The following CELF2 variants were observed in gnomAD, a reference collection of about 807,000 sequenced individuals.
CELF2 encodes the protein CUG triplet repeat RNA-binding protein 2.
In CELF2, 8 loss-of-function variants were observed where a neutral mutation model predicts 62.6. That is an observed-to-expected ratio of 0.13 (90% CI 0.07 to 0.23). The LOEUF is 0.23. Among genes scored for constraint, CELF2 ranks in the 10% least tolerant of loss-of-function variants. CELF2 has a pLI of 1.00. For synonymous variants in CELF2, 258 were observed against 250.0 expected, an observed-to-expected ratio of 1.03 and a Z score of -0.30; for missense variants, 333 against 671.0, an observed-to-expected ratio of 0.50 and a Z score of 5.56.
chr10:10,610,939 T>TAA, the CELF2 span, among the ~76,000 whole-genome samples: 5 of 152,108 alleles, frequency 3.3e-5, no homozygotes, highest in Admixed American at 6.6e-5. Context: ...AAGATGGAAG[T>TAA]AAAATGACCC....
At chr10:10,922,501 G>T (rs2065015565) in intron 2 of CELF2, among the ~76,000 whole-genome samples, 1 of 152,214 alleles carries the variant, frequency 6.6e-6, no homozygotes, top group African/African-American at 2.4e-5. Context: ...AGATGAAAAT[G>T]ATTCAGATGT....
the CELF2 span, among the ~76,000 whole-genome samples, chr10:10,708,903 G>A: frequency 6.6e-5 from 10 of 152,046 alleles, no homozygotes; most frequent in East Asian, 1.9e-4. Flanking sequence ...GAACATGCAC[G>A]TACATCCAAA....
intron 3 of CELF2, among the ~76,000 whole-genome samples, chr10:11,239,879 C>G (rs2073131486): frequency 6.6e-6 from 1 of 152,104 alleles, no homozygotes; most frequent in South Asian, 2.1e-4. Context: ...CATGGTGAAA[C>G]CCCGTCTCTA....
chr10:10,947,012 T>C lies in CELF2; in HGVS notation c.89+27013T>C, dbSNP rs1223922579. 6.6e-6 allele frequency: 1 copy of C among 152,276 alleles called. No individual in the cohort carries two copies. The highest frequency in any genetic ancestry group is 1.5e-5 in the Non-Finnish European group (1 of 68,054). 9.4% of individuals were successfully genotyped at this position (152,276 alleles called of 1,614,324 possible). On this transcript the variant is annotated intron_variant, in intron 2 of 13. Transcript: ENST00000636488. The surrounding 1 kb of genome is among the most constrained non-coding windows in gnomAD (Gnocchi z 4.1). The stretch of plus-strand genomic sequence containing the variant: ...AGTTGTTGCATTAAGGTCGATAAGA[T>C]GGAAGAATGGCAGCTGTGCTGGAGC...
rs1245169797 is a variant in CELF2 at position 11,098,612 on chromosome 10, C to T, written c.75-66874C>T. 1.3e-5 allele frequency: 2 copies of T among 152,240 alleles called. No individual in the cohort carries two copies. The highest frequency in any genetic ancestry group is 2.9e-5 in the Non-Finnish European group (2 of 68,040). The allele number at this position is 152,240 out of a possible 1,614,324, so 9.4% of individuals were successfully genotyped here. A position where few individuals can be genotyped will look rare whatever the true frequency, so the allele number is the denominator to read the frequency against. ...TTTAGAAAGGCACAGTGAGCACGCT[C>T]ATTTTTTTTCCATTTTAGACAAATA... On this transcript the variant is annotated intron_variant, in intron 1 of 12. Transcript: ENST00000633077. This position sits in a 1 kb window ranked among gnomAD's most constrained non-coding sequence, Gnocchi z 4.0.
chr10:10,919,163 A>G (rs1475644743), intron 1 of CELF2, among the ~76,000 whole-genome samples: 1 of 152,100 alleles, frequency 6.6e-6, no homozygotes, highest in East Asian at 1.9e-4. Flanking sequence ...CCAGCTACTC[A>G]GGAGGCTGAG....
chr10:10,782,939 G>A, the CELF2 span, among the ~76,000 whole-genome samples: 1 of 152,188 alleles, frequency 6.6e-6, no homozygotes, highest in Non-Finnish European at 1.5e-5. Flanking sequence ...ACCTCAAAGT[G>A]TTTAATTAAA....
chr10:10,587,212 A>G, the CELF2 span, among the ~76,000 whole-genome samples: 1 of 152,242 alleles, frequency 6.6e-6, no homozygotes, highest in Non-Finnish European at 1.5e-5. Flanking sequence ...CCTTGGGCAG[A>G]GTCCACATAT....
At chr10:10,693,329 T>C in the CELF2 span, among the ~76,000 whole-genome samples, 83 of 135,072 alleles carry the variant, frequency 6.1e-4, 2 homozygotes, top group South Asian at 0.023. Flanking sequence ...TTTGTGTATA[T>C]TGAACCAGCC....
rs529186931 is a variant in CELF2, at chr10:10,958,162, T to C, written c.89+38163T>C. Among the ~76,000 whole-genome samples, 12 of 152,294 alleles carry C rather than the reference T, an allele frequency of 7.9e-5. No individual in the cohort carries two copies. The South Asian group carries it at 2.5e-3, about 32-fold the overall frequency. ...GGGTGGATAAAGGGAATTTGACAAG[T>C]TTCAACAAGAAAGAAAAACTTGCTC... On this transcript the variant is annotated intron_variant, in intron 2 of 13. Coordinates refer to the CELF2 transcript ENST00000636488.
chr10:10,511,804 A>G, the CELF2 span, among the ~76,000 whole-genome samples: 1 of 152,228 alleles, frequency 6.6e-6, no homozygotes, highest in Non-Finnish European at 1.5e-5. Flanking sequence ...AGCCACTTCA[A>G]ACCGCCAGCA....
At chr10:10,746,157 T>C in the CELF2 span, among the ~76,000 whole-genome samples, 1 of 152,260 alleles carries the variant, frequency 6.6e-6, no homozygotes, top group African/African-American at 2.4e-5. Flanking sequence ...CACAGCTTTC[T>C]TTCACTGCTT....
At chr10:11,020,289 A>C (rs2058092513) in intron 1 of CELF2, among the ~76,000 whole-genome samples, 1 of 152,238 alleles carries the variant, frequency 6.6e-6, no homozygotes, top group Non-Finnish European at 1.5e-5. Context: ...GGAAGAAAAG[A>C]GGATTTGTAA....
chr10:11,097,156 G>A (rs1449061166), intron 1 of CELF2: 1 of 152,104 alleles, frequency 6.6e-6, no homozygotes, highest in Admixed American at 6.6e-5. Context: ...GTGATGTATA[G>A]TATTTCCCAT....
chr10:10,633,094 A>T, the CELF2 span, among the ~76,000 whole-genome samples: 2 of 152,120 alleles, frequency 1.3e-5, no homozygotes, highest in Non-Finnish European at 2.9e-5. Flanking sequence ...TATTACTGTG[A>T]TCATTACCAT....
intron 1 of CELF2, among the ~76,000 whole-genome samples, chr10:10,821,464 ATTAAG>A (rs2056957598): frequency 1.3e-5 from 2 of 152,120 alleles, no homozygotes; most frequent in Non-Finnish European, 1.5e-5. Context: ...TTTAATTATC[ATTAAG>A]TTATTTCATG....
At chr10:11,169,392 A>G (rs185253441) in intron 2 of CELF2, among the ~76,000 whole-genome samples, 2 of 152,352 alleles carry the variant, frequency 1.3e-5, no homozygotes, top group Admixed American at 1.3e-4. Flanking sequence ...AAAAGATGGC[A>G]TCTTTACCAA....
At chr10:11,100,554 G>A (rs1035233363) in intron 1 of CELF2, among the ~76,000 whole-genome samples, 3 of 150,678 alleles carry the variant, frequency 2.0e-5, no homozygotes, top group African/African-American at 7.3e-5. Flanking sequence ...GAAATGAAAA[G>A]GGAACTTTCA....
At chr10:11,325,017 A>T (rs1214857349) in intron 11 of CELF2, among the ~76,000 whole-genome samples, 1 of 152,090 alleles carries the variant, frequency 6.6e-6, no homozygotes, top group Non-Finnish European at 1.5e-5. Flanking sequence ...CATGGTGCTC[A>T]TATGGGTGGG....
Sources: gnomAD v4.1 joint callset for allele counts (sites outside exome capture counted in the v4.1 genomes callset) on GRCh38, gnomAD v4.1.1 for gene constraint, Gnocchi (gnomAD v3.1) non-coding constraint, MANE v1.5 for transcripts, NCBI Gene and HGNC (gene_info 2026-07-23, HGNC 2026-07-21) for gene names.